SEPTIN10: variants seen among roughly 807,000 people sequenced by gnomAD.
The protein encoded by SEPTIN10 is septin 10.
Under a neutral mutation model 54.8 loss-of-function variants are expected in SEPTIN10, and 66 were observed. The ratio of observed to expected loss-of-function variants is 1.21; its 90% CI spans 0.99 to 1.48. SEPTIN10 has a LOEUF of 1.48. Ranked by LOEUF, SEPTIN10 falls within the 40% of genes most tolerant of loss-of-function variation. SEPTIN10 has a pLI of 0.00. For missense variants in SEPTIN10, 620 were observed against 545.6 expected (o/e 1.14, Z -1.36); for synonymous variants, 161 against 181.0 (o/e 0.89, Z 0.89).
intron 1 of SEPTIN10, 75 bp downstream of exon 1, chr2:109,613,723 C>T: frequency 1.0e-6 from 1 of 985,838 alleles, no homozygotes. Flanking sequence ...ACCAGGGGGC[C>T]GGTGGGTCGA....
Position 109,588,533 on chromosome 2 carries a change from G to A in SEPTIN10, c.100-2695C>T, listed in dbSNP as rs372466926. On this transcript the variant is annotated intron_variant, in intron 2 of 10. Coordinates refer to ENST00000397712, the MANE Select transcript of SEPTIN10 (RefSeq NM_144710.5). ...TTTTAAGATGGAGTTTTGCTCTTTC[G>A]CCCAGGCTGGAGTGAAGTGGTATGA... 3.0e-3 allele frequency among the ~76,000 whole-genome samples: 453 copies of A among 151,880 alleles called. 2 individuals carry two copies. Among genetic ancestry groups the A allele is most frequent in the South Asian group, 0.022 (106 of 4,814 alleles).
At chr2:109,546,675 T>C (rs1018376413) in intron 9 of SEPTIN10, among the ~76,000 whole-genome samples, 1 of 152,152 alleles carries the variant, frequency 6.6e-6, no homozygotes, top group Non-Finnish European at 1.5e-5. Flanking sequence ...TTGAAAACTG[T>C]ACTAGTAAAC....
chr2:109,551,868 C>A (rs1351702627), intron 9 of SEPTIN10, among the ~76,000 whole-genome samples: 2 of 152,180 alleles, frequency 1.3e-5, no homozygotes, highest in Non-Finnish European at 2.9e-5. Flanking sequence ...GAACTAGAAG[C>A]AAACAAAACT....
At chr2:109,600,388 T>G (rs1286509652) in intron 1 of SEPTIN10, among the ~76,000 whole-genome samples, 1 of 152,098 alleles carries the variant, frequency 6.6e-6, no homozygotes, top group African/African-American at 2.4e-5. Context: ...TCCACCCAAC[T>G]CACCTGTATA....
At chr2:109,579,885 C>T (rs1421288135) in intron 4 of SEPTIN10, among the ~76,000 whole-genome samples, 1 of 151,782 alleles carries the variant, frequency 6.6e-6, no homozygotes, top group Non-Finnish European at 1.5e-5. Context: ...CTTTGGGAAG[C>T]TAAGGCGTGT....
At chr2:109,555,923 T>C (rs1684266604) in intron 8 of SEPTIN10, among the ~76,000 whole-genome samples, 2 of 152,178 alleles carry the variant, frequency 1.3e-5, no homozygotes, top group African/African-American at 4.8e-5. Context: ...ACTCCCCAGT[T>C]AGAATTAACT....
chr2:109,574,835 A>G (rs1689295195), intron 4 of SEPTIN10, 68 bp from the exon 5 acceptor site: 1 of 1,153,394 alleles, frequency 8.7e-7, no homozygotes, highest in East Asian at 2.6e-5. Context: ...TGCAACTCTT[A>G]GAAGTTTGAG....
At chr2:109,567,019 T>A (rs939072505) in intron 6 of SEPTIN10, among the ~76,000 whole-genome samples, 2 of 152,204 alleles carry the variant, frequency 1.3e-5, no homozygotes, top group Non-Finnish European at 2.9e-5. Flanking sequence ...TTAGTCAGTT[T>A]TTTTTTACAG....
chr2:109,575,928 C>A (rs972970096), intron 4 of SEPTIN10, among the ~76,000 whole-genome samples: 1 of 152,146 alleles, frequency 6.6e-6, no homozygotes, highest in African/African-American at 2.4e-5. Flanking sequence ...AATGTGAGGA[C>A]TGAGACAGTA....
intron 1 of SEPTIN10, among the ~76,000 whole-genome samples, chr2:109,612,248 G>C (rs1699411288): frequency 6.6e-6 from 1 of 152,114 alleles, no homozygotes; most frequent in African/African-American, 2.4e-5. Flanking sequence ...ATAAGTCTTG[G>C]AATGACAAAA....
chr2:109,590,266 C>T (rs1257606223), intron 2 of SEPTIN10, among the ~76,000 whole-genome samples: 2 of 151,844 alleles, frequency 1.3e-5, no homozygotes, highest in South Asian at 2.1e-4. Context: ...TCGCTAACAC[C>T]GATGCCCCTG....
intron 8 of SEPTIN10, among the ~76,000 whole-genome samples, chr2:109,562,074 G>T (rs1685779958): frequency 6.6e-6 from 1 of 151,906 alleles, no homozygotes; most frequent in Admixed American, 6.6e-5. Context: ...TTAGCTGGGG[G>T]TGGTGGTGCA....
rs200961307 is a variant in SEPTIN10 at position 109,564,020 on chromosome 2, T to G, written c.1028+346A>C. On this transcript the variant is annotated intron_variant, in intron 8 of 10. Coordinates refer to ENST00000397712, the MANE Select transcript of SEPTIN10 (RefSeq NM_144710.5). ...TTCCAACTTACCTTTATGACAACAG[T>G]TAAATATATCATCGTCTCAGATAAA... is the stretch of plus-strand genomic sequence containing the variant. Among the ~76,000 whole-genome samples the G allele has an allele frequency of 2.0e-5, 3 of 152,298 alleles. No individual in the cohort carries two copies. The East Asian group carries it at 5.8e-4, about 29-fold the overall frequency.
intron 5 of SEPTIN10, 135 bp from the exon 6 acceptor site, chr2:109,568,111 T>C: frequency 1.6e-6 from 1 of 642,548 alleles, no homozygotes. Context: ...CAAACTACGG[T>C]CCATCTCGCT....
intron 7 of SEPTIN10, among the ~76,000 whole-genome samples, chr2:109,565,246 G>A (rs1364424378): frequency 2.0e-5 from 3 of 151,956 alleles, no homozygotes; most frequent in Non-Finnish European, 4.4e-5. Flanking sequence ...ATCCATACTA[G>A]TAAGGGTAAT....
intron 9 of SEPTIN10, among the ~76,000 whole-genome samples, chr2:109,548,425 G>A (rs1355042006): frequency 5.3e-5 from 8 of 152,156 alleles, no homozygotes; most frequent in Non-Finnish European, 5.9e-5. Context: ...ATGGCTCATT[G>A]AGGTTTACAG....
intron 8 of SEPTIN10, among the ~76,000 whole-genome samples, chr2:109,561,477 A>G: frequency 6.6e-6 from 1 of 152,134 alleles, no homozygotes; most frequent in East Asian, 1.9e-4. Flanking sequence ...AAATAATAGT[A>G]ATCTCTAGCA....
intron 4 of SEPTIN10, among the ~76,000 whole-genome samples, chr2:109,581,667 A>G (rs1691187451): frequency 1.3e-5 from 2 of 152,178 alleles, no homozygotes; most frequent in African/African-American, 4.8e-5. Flanking sequence ...ATACTGCTTC[A>G]TTAATTGATA....
chr2:109,553,519 G>A (rs1381080347), intron 8 of SEPTIN10, among the ~76,000 whole-genome samples: 33 of 151,038 alleles, frequency 2.2e-4, no homozygotes, highest in African/African-American at 7.6e-4. Flanking sequence ...ACTCCAGCCT[G>A]GGTGACAGAG....
Sources: allele counts gnomAD v4.1 joint callset (sites outside exome capture counted in the v4.1 genomes callset), GRCh38; gene constraint gnomAD v4.1.1; transcripts MANE v1.5; gene names NCBI Gene and HGNC (gene_info 2026-07-23, HGNC 2026-07-21).